Variants in MIA2 observed in about 807,000 individuals in gnomAD.
The protein encoded by MIA2 is melanoma inhibitory activity protein 2.
MIA2 carries 127 observed loss-of-function variants against 167.8 expected under a neutral mutation model. That is an observed-to-expected ratio of 0.76 (90% CI 0.66 to 0.88). The LOEUF (loss-of-function observed/expected upper bound fraction) is 0.88, where lower values mean the gene tolerates loss of function less well. Ranked by LOEUF, MIA2 falls within the 40% of genes least tolerant of loss-of-function variation. The probability of loss-of-function intolerance (pLI) is 0.00; values close to 1 mark genes in which losing one functional copy is unlikely to be tolerated. For synonymous variants in MIA2, 552 were observed against 541.9 expected (o/e 1.02, Z -0.26); for missense variants, 1,690 against 1,624.7 (o/e 1.04, Z -0.69).
chr14:39,295,191 TAGTATACAAA>T (rs1299716674), intron 13 of MIA2, among the ~76,000 whole-genome samples, 162 bp downstream of exon 13: 1 of 152,196 alleles, frequency 6.6e-6, no homozygotes, highest in African/African-American at 2.4e-5. Flanking sequence ...CTCTTTTGTA[TAGTATACAAA>T]AGTGTATACT....
chr14:39,325,326 A>G (rs2067270121), intron 24 of MIA2, among the ~76,000 whole-genome samples: 1 of 151,890 alleles, frequency 6.6e-6, no homozygotes, highest in East Asian at 1.9e-4. Context: ...CCTCTCAATG[A>G]CAGATAAATG....
chr14:39,386,028 C>T lies in MIA2; in HGVS notation c.2249-857C>T, dbSNP rs35904002. 7.7e-3 allele frequency: 8,069 copies of T among 1,045,638 alleles called. 53 individuals carry two copies. The highest frequency in any genetic ancestry group is 9.1e-3 in the Non-Finnish European group (6,182 of 679,170). 64.8% of individuals were successfully genotyped at this position (1,045,638 alleles called of 1,614,324 possible). On this transcript the variant is annotated intron_variant, in intron 23 of 23. Transcript: ENST00000341502. ...CAGCACCTACAGTCTGTCATGACAACTCTGGGCCCGGACAACCTCTTCTTG... is the reference window on the plus strand; with the variant it reads ...CAGCACCTACAGTCTGTCATGACAATTCTGGGCCCGGACAACCTCTTCTTG...
At chr14:39,267,756 C>A (rs147380961) in intron 6 of MIA2, among the ~76,000 whole-genome samples, 2 of 152,346 alleles carry the variant, frequency 1.3e-5, no homozygotes, top group African/African-American at 4.8e-5. Flanking sequence ...GTGAAGAAAG[C>A]ACTTGCTTAG....
chr14:39,387,617 C>CT (rs1399643217), exon 24 of MIA2: 1 of 152,244 alleles, frequency 6.6e-6, no homozygotes, highest in East Asian at 1.9e-4. Context: ...ATTCCATACA[C>CT]TTAGTAGATA....
At chr14:39,307,444 C>G (rs1337586442) in intron 17 of MIA2, among the ~76,000 whole-genome samples, 2 of 124,576 alleles carry the variant, frequency 1.6e-5, no homozygotes, top group East Asian at 5.0e-4. Flanking sequence ...CTTTGTCATC[C>G]AGGCTGGAGT....
At chr14:39,280,051 T>G (rs1053750630) in intron 9 of MIA2, among the ~76,000 whole-genome samples, 5 of 151,552 alleles carry the variant, frequency 3.3e-5, no homozygotes, top group African/African-American at 1.2e-4. Context: ...TGAGGGTGTG[T>G]GTGTGTGTGT....
chr14:39,246,242 G>A (rs890346217), intron 3 of MIA2, among the ~76,000 whole-genome samples: 3 of 151,918 alleles, frequency 2.0e-5, no homozygotes, highest in East Asian at 1.9e-4. Context: ...GACTACAGGC[G>A]CCCACCACCA....
At chr14:39,288,469 A>ATTTTTTTTT (rs1289953072) in intron 9 of MIA2, among the ~76,000 whole-genome samples, 1 of 52,708 alleles carries the variant, frequency 1.9e-5, no homozygotes, top group African/African-American at 1.0e-4. Context: ...ATATATATAT[A>ATTTTTTTTT]TATATATTTT....
At chr14:39,261,568 G>A (rs1043937440) in intron 6 of MIA2, among the ~76,000 whole-genome samples, 7 of 152,184 alleles carry the variant, frequency 4.6e-5, no homozygotes, top group Admixed American at 2.0e-4. Flanking sequence ...TCGCCAGACT[G>A]TCTTCCACAA....
chr14:39,342,838 T>C (rs1272322238), intron 25 of MIA2, among the ~76,000 whole-genome samples: 1 of 152,238 alleles, frequency 6.6e-6, no homozygotes, highest in Non-Finnish European at 1.5e-5. Context: ...AAACTTTCAG[T>C]TCTAATAATG....
intron 3 of MIA2, among the ~76,000 whole-genome samples, chr14:39,245,924 C>T (rs1012928511): frequency 5.3e-5 from 8 of 152,158 alleles, no homozygotes; most frequent in Admixed American, 1.3e-4. Flanking sequence ...AGAACCCTAC[C>T]TCAAATCAAG....
chr14:39,282,302 G>C (rs2059069027), intron 9 of MIA2, among the ~76,000 whole-genome samples: 1 of 152,120 alleles, frequency 6.6e-6, no homozygotes, highest in Admixed American at 6.5e-5. Flanking sequence ...TTAAGGTATA[G>C]AAATTTCAGA....
intron 23 of MIA2, among the ~76,000 whole-genome samples, chr14:39,377,344 G>A (rs953537247): frequency 6.6e-6 from 1 of 152,050 alleles, no homozygotes; most frequent in Admixed American, 6.5e-5. Flanking sequence ...TAAATAGGTT[G>A]CTATTGTTTT....
At position 39,259,698 on chromosome 14, in the gene MIA2, GTTTT is replaced by G. The variant is rs10556014; in HGVS notation, c.1887+6548_1887+6551del. Among the ~76,000 whole-genome samples, 468 of 115,370 alleles carry G rather than the reference GTTTT, an allele frequency of 4.1e-3. 2 individuals carry two copies. The highest frequency in any genetic ancestry group is 0.015 in the African/African-American group (426 of 28,814). 75.7% of individuals were successfully genotyped at this position (115,370 alleles called of 152,430 possible). ...GGCATGTGCCACCATGCCTGGCTAG[GTTTT>G]TTTTTTTTTTTTTTTTTTTTAAATA... On this transcript the variant is annotated intron_variant, in intron 6 of 28. Transcript: ENST00000640607.
At chr14:39,300,242 T>C (rs1369906971) in intron 14 of MIA2, among the ~76,000 whole-genome samples, 1 of 152,168 alleles carries the variant, frequency 6.6e-6, no homozygotes, top group Non-Finnish European at 1.5e-5. Context: ...AATAAAGAAA[T>C]AAAAATAATG....
Position 39,267,413 on chromosome 14 carries a change from C to A in MIA2, c.1888-9521C>A. The A allele has an allele frequency of 1.9e-6, 3 of 1,608,960 alleles. No homozygotes were observed. In the East Asian group the frequency reaches 6.7e-5, roughly 36 times the overall value. ...TGTTCTCCGCCGTTTATTGTGGCCC[C>A]GACAGGCCGGGGTTACTGTGGCGAC... On this transcript the variant is annotated intron_variant, in intron 6 of 28. Transcript: ENST00000640607.
chr14:39,333,962 C>G (rs2069594838), intron 25 of MIA2, among the ~76,000 whole-genome samples: 1 of 152,140 alleles, frequency 6.6e-6, no homozygotes, highest in Non-Finnish European at 1.5e-5. Flanking sequence ...CAACTATAAT[C>G]TCAATGTCAT....
intron 25 of MIA2, among the ~76,000 whole-genome samples, chr14:39,330,358 T>G (rs2068549610): frequency 1.3e-5 from 2 of 152,182 alleles, no homozygotes; most frequent in South Asian, 4.1e-4. Flanking sequence ...TTCTTCTCTC[T>G]TTTCTTCCTT....
chr14:39,377,612 A>G (rs1198724971), intron 23 of MIA2, among the ~76,000 whole-genome samples: 1 of 152,232 alleles, frequency 6.6e-6, no homozygotes, highest in Non-Finnish European at 1.5e-5. Flanking sequence ...TAATTTGAAC[A>G]GGATTTTTCT....
Sources: allele counts gnomAD v4.1 joint callset (sites outside exome capture counted in the v4.1 genomes callset), GRCh38; gene constraint gnomAD v4.1.1; transcripts MANE v1.5; gene names NCBI Gene and HGNC (gene_info 2026-07-23, HGNC 2026-07-21).